Variants in SLC39A11 observed in about 807,000 individuals in gnomAD.
SLC39A11 encodes solute carrier family 39 member 11.
A neutral mutation model predicts 36.1 loss-of-function variants in SLC39A11; 33 were observed. The ratio of observed to expected loss-of-function variants is 0.91; its 90% CI spans 0.69 to 1.22. SLC39A11 has a LOEUF of 1.22. Among genes scored for constraint, SLC39A11 ranks in the 50% most tolerant of loss-of-function variants. The pLI, the probability that SLC39A11 is intolerant of heterozygous loss-of-function variation, is 0.00. For missense variants in SLC39A11, 432 were observed against 430.3 expected, an observed-to-expected ratio of 1.00 and a Z score of -0.03; for synonymous variants, 166 against 170.3, an observed-to-expected ratio of 0.97 and a Z score of 0.20.
intron 6 of SLC39A11, among the ~76,000 whole-genome samples, chr17:72,824,487 C>T (rs1040792751): frequency 3.3e-5 from 5 of 151,226 alleles, no homozygotes; most frequent in African/African-American, 1.2e-4. Context: ...GGGGACATTA[C>T]TATAAAGATA....
chr17:72,893,916 G>C (rs1419505227), intron 5 of SLC39A11, among the ~76,000 whole-genome samples: 1 of 152,122 alleles, frequency 6.6e-6, no homozygotes. Context: ...CTCGATGTCT[G>C]CTATATACCA....
chr17:72,669,700 T>C (rs1030539232), intron 7 of SLC39A11, among the ~76,000 whole-genome samples: 1 of 152,078 alleles, frequency 6.6e-6, no homozygotes, highest in African/African-American at 2.4e-5. Context: ...GAGATACCAA[T>C]ATGCCAATAT....
intron 3 of SLC39A11, among the ~76,000 whole-genome samples, chr17:73,052,278 A>T: frequency 6.6e-6 from 1 of 152,146 alleles, no homozygotes; most frequent in East Asian, 1.9e-4. Context: ...ACAGATAAGG[A>T]TGCATGAAAT....
At chr17:72,926,945 G>A (rs2084084841) in intron 5 of SLC39A11, among the ~76,000 whole-genome samples, 1 of 147,010 alleles carries the variant, frequency 6.8e-6, no homozygotes, top group African/African-American at 2.7e-5. Flanking sequence ...GGGAATTACT[G>A]AATAAAAGAG....
intron 3 of SLC39A11, among the ~76,000 whole-genome samples, chr17:73,035,417 G>T (rs1366395872): frequency 6.6e-6 from 1 of 152,186 alleles, no homozygotes; most frequent in East Asian, 1.9e-4. Flanking sequence ...TGGGATTACA[G>T]GTGTGAGCCA....
intron 7 of SLC39A11, among the ~76,000 whole-genome samples, chr17:72,681,009 T>G (rs2071488797): frequency 6.6e-6 from 1 of 152,204 alleles, no homozygotes; most frequent in Non-Finnish European, 1.5e-5. Context: ...TAGCACAATC[T>G]TGGCTCATTG....
intron 6 of SLC39A11, chr17:72,837,726 T>C (rs1009753047): frequency 4.0e-6 from 1 of 253,100 alleles, no homozygotes; most frequent in Non-Finnish European, 7.4e-6. Context: ...AAAGACTTAC[T>C]GATACATGCT....
intron 5 of SLC39A11, among the ~76,000 whole-genome samples, chr17:72,936,411 TAAAAAAAAAAAAAAAA>T (rs746428868): frequency 1.5e-4 from 11 of 73,460 alleles, no homozygotes; most frequent in South Asian, 6.2e-4. Context: ...TGAAAAAAAG[TAAAAAAAAAAAAAAAA>T]AAAAAAAAAA....
intron 4 of SLC39A11, among the ~76,000 whole-genome samples, chr17:73,003,452 T>C (rs544908754): frequency 6.6e-6 from 1 of 152,122 alleles, no homozygotes; most frequent in Non-Finnish European, 1.5e-5. Context: ...TGGTGGGCAG[T>C]AGACAGAAAA....
intron 5 of SLC39A11, among the ~76,000 whole-genome samples, chr17:72,945,371 T>C (rs567964898): frequency 2.6e-5 from 4 of 152,332 alleles, no homozygotes; most frequent in South Asian, 4.1e-4. Flanking sequence ...AAGGCTAATG[T>C]TATTCACTAA....
chr17:72,648,576 T>C lies in SLC39A11; in HGVS notation c.929+227A>G, dbSNP rs1417830349. ...CATCAAGGGACGGGGGGCAGGTGTG[T>C]ATGCCACTGCCTGGTGTCACCTCAT... On this transcript the variant is annotated intron_variant, in intron 9 of 9. Coordinates refer to ENST00000255559, the MANE Select transcript of SLC39A11 (RefSeq NM_139177.4). 2.0e-5 allele frequency among the ~76,000 whole-genome samples: 3 copies of C among 152,082 alleles called. No individual in the cohort carries two copies. The East Asian group carries it at 5.8e-4, about 29-fold the overall frequency.
At chr17:72,898,964 T>C (rs2082172277) in intron 5 of SLC39A11, among the ~76,000 whole-genome samples, 1 of 152,118 alleles carries the variant, frequency 6.6e-6, no homozygotes, top group Non-Finnish European at 1.5e-5. Flanking sequence ...CTGAAGTGGG[T>C]GCCAAGTGTT....
intron 7 of SLC39A11, 100 bp from the exon 8 acceptor site, chr17:72,649,368 G>A (rs2143835496): frequency 2.1e-6 from 2 of 972,282 alleles, no homozygotes. Flanking sequence ...GTGCTAGGAA[G>A]CCAGGAGGAG....
chr17:72,669,963 C>T (rs1298698829), intron 7 of SLC39A11, among the ~76,000 whole-genome samples: 7 of 145,118 alleles, frequency 4.8e-5, no homozygotes, highest in Admixed American at 1.4e-4. Context: ...CATATATATA[C>T]GTATAGATGT....
At chr17:72,749,520 G>A (rs1385633700) in intron 6 of SLC39A11, among the ~76,000 whole-genome samples, 1 of 152,240 alleles carries the variant, frequency 6.6e-6, no homozygotes, top group Admixed American at 6.5e-5. Context: ...TAAATATGAG[G>A]ACACAGGACG....
At chr17:72,864,394 C>T (rs1199482047) in intron 5 of SLC39A11, among the ~76,000 whole-genome samples, 1 of 151,666 alleles carries the variant, frequency 6.6e-6, no homozygotes, top group South Asian at 2.1e-4. Context: ...GCAGACCAAC[C>T]GATTTGGGCT....
intron 6 of SLC39A11, among the ~76,000 whole-genome samples, chr17:72,793,969 T>C (rs1350608244): frequency 6.6e-6 from 1 of 151,460 alleles, no homozygotes; most frequent in Non-Finnish European, 1.5e-5. Flanking sequence ...GAACAAAGAG[T>C]CTTCAGGTTG....
intron 6 of SLC39A11, among the ~76,000 whole-genome samples, chr17:72,788,905 G>T (rs908370615): frequency 1.3e-5 from 2 of 152,256 alleles, no homozygotes; most frequent in African/African-American, 2.4e-5. Flanking sequence ...CAGGTGACAT[G>T]TACTGTGGCA....
At chr17:72,651,833 C>T (rs569923973) in intron 7 of SLC39A11, among the ~76,000 whole-genome samples, 7 of 152,226 alleles carry the variant, frequency 4.6e-5, no homozygotes, top group Admixed American at 3.9e-4. Flanking sequence ...AGTGGACAGA[C>T]AAGAAGACAC....
Sources: gnomAD v4.1 joint callset for allele counts (sites outside exome capture counted in the v4.1 genomes callset) on GRCh38, gnomAD v4.1.1 for gene constraint, MANE v1.5 for transcripts, NCBI Gene and HGNC (gene_info 2026-07-23, HGNC 2026-07-21) for gene names.